Variants in WDR7 observed in about 807,000 individuals in gnomAD.
WDR7 encodes WD repeat domain 7, also known as WD repeat-containing protein 7.
WDR7 carries 46 observed loss-of-function variants against 169.4 expected under a neutral mutation model. The observed-to-expected ratio is 0.27, with a 90% confidence interval of 0.21 to 0.35. The LOEUF (loss-of-function observed/expected upper bound fraction) is 0.35, where lower values mean the gene tolerates loss of function less well. Among genes scored for constraint, WDR7 ranks in the 10% least tolerant of loss-of-function variants. The pLI is 1.00. For missense variants in WDR7, 1,534 were observed against 1,859.3 expected, an observed-to-expected ratio of 0.83 and a Z score of 3.22; for synonymous variants, 612 against 666.8, an observed-to-expected ratio of 0.92 and a Z score of 1.27.
At position 56,776,761 on chromosome 18, in the gene WDR7, T is replaced by A. The variant is rs889822083; in HGVS notation, c.2849-21T>A. The A allele has an allele frequency of 1.9e-6, 3 of 1,608,884 alleles. No individual in the cohort carries two copies. In the East Asian group the frequency reaches 6.7e-5, roughly 36 times the overall value. The stretch of plus-strand genomic sequence containing the variant: ...GTACTTCAATTCTCTCCTCTTTACT[T>A]CTTCTCTTTTCCTCTGCAAGTTGCT... On this transcript the variant is annotated intron_variant, in intron 16 of 27. Transcript: ENST00000254442.
Position 56,691,837 on chromosome 18 carries a change from A to G in WDR7, c.966+20A>G. The G allele has an allele frequency of 6.4e-7, 1 of 1,565,494 alleles. No homozygotes were observed. The highest frequency in any genetic ancestry group is 1.4e-5 in the African/African-American group (1 of 73,490). On this transcript the variant is annotated intron_variant, in intron 9 of 27. Coordinates refer to ENST00000254442, the MANE Select transcript of WDR7 (RefSeq NM_015285.3). Reference sequence around the variant, plus strand: ...AAAGAGGTAAAATTCTTGAGGTGTCATTTATAATTGAAAGTTACATTGAAA... The same window carrying G: ...AAAGAGGTAAAATTCTTGAGGTGTCGTTTATAATTGAAAGTTACATTGAAA...
intron 12 of WDR7, among the ~76,000 whole-genome samples, chr18:56,705,488 T>C (rs530911507): frequency 6.6e-6 from 1 of 152,246 alleles, no homozygotes; most frequent in African/African-American, 2.4e-5. Flanking sequence ...GATATTTGAA[T>C]ATATTAGTTT....
chr18:56,815,744 G>GA (rs1204667582), intron 19 of WDR7, among the ~76,000 whole-genome samples: 5 of 152,156 alleles, frequency 3.3e-5, no homozygotes, highest in African/African-American at 9.7e-5. Context: ...CAAAAACCTT[G>GA]AAAGGAATCG....
At chr18:56,969,886 T>C (rs1403629998) in intron 26 of WDR7, among the ~76,000 whole-genome samples, 4 of 152,174 alleles carry the variant, frequency 2.6e-5, no homozygotes, top group Non-Finnish European at 2.9e-5. Flanking sequence ...TCTTTCTTAC[T>C]AGAGAAGGCA....
intron 17 of WDR7, 50 bp downstream of exon 17, chr18:56,776,930 GA>G: frequency 6.7e-7 from 1 of 1,484,750 alleles, no homozygotes; most frequent in Non-Finnish European, 9.4e-7. Context: ...GCTTTATTCT[GA>G]CAGACATGTT....
chr18:56,965,695 G>A (rs1389407218), intron 26 of WDR7, among the ~76,000 whole-genome samples: 1 of 152,038 alleles, frequency 6.6e-6, no homozygotes, highest in Non-Finnish European at 1.5e-5. Flanking sequence ...AAACTGTTTT[G>A]TGGTCCACAA....
intron 12 of WDR7, among the ~76,000 whole-genome samples, chr18:56,698,063 T>C (rs617506): frequency 0.92 from 139,318 of 151,968 alleles, 65,063 homozygotes; most frequent in East Asian, 1. Flanking sequence ...GGTGTGATGG[T>C]GCATGCCTGT....
chr18:56,865,660 G>A (rs542949595), intron 20 of WDR7, among the ~76,000 whole-genome samples: 25 of 151,846 alleles, frequency 1.6e-4, no homozygotes, highest in Non-Finnish European at 3.1e-4. Flanking sequence ...CTGTGGAAAT[G>A]GTTGATGTTT....
intron 26 of WDR7, among the ~76,000 whole-genome samples, chr18:57,011,142 T>C (rs2145915844): frequency 6.6e-6 from 1 of 152,378 alleles, no homozygotes; most frequent in East Asian, 1.9e-4. Flanking sequence ...ATTCTCACTA[T>C]TCCTAGATAA....
At chr18:56,739,336 T>C (rs1021145440) in intron 14 of WDR7, among the ~76,000 whole-genome samples, 6 of 152,182 alleles carry the variant, frequency 3.9e-5, no homozygotes, top group African/African-American at 1.4e-4. Context: ...CTTATTACAG[T>C]CTAAAACAAA....
chr18:56,896,774 C>T (rs1422909690), intron 21 of WDR7, among the ~76,000 whole-genome samples: 1 of 151,646 alleles, frequency 6.6e-6, no homozygotes, highest in Non-Finnish European at 1.5e-5. Flanking sequence ...GGAAAGATTT[C>T]ATAAATAGGT....
intron 19 of WDR7, among the ~76,000 whole-genome samples, chr18:56,803,380 CTATTTGTG>C (rs2044711302): frequency 6.6e-6 from 1 of 151,982 alleles, no homozygotes; most frequent in Non-Finnish European, 1.5e-5. Flanking sequence ...AAAAGCGTTC[CTATTTGTG>C]TGTTTGTGTG....
chr18:56,735,188 G>A (rs1012017003), intron 14 of WDR7, among the ~76,000 whole-genome samples: 2 of 152,178 alleles, frequency 1.3e-5, no homozygotes, highest in Admixed American at 6.5e-5. Context: ...ATAGGATTAG[G>A]CCCTGGAAAT....
At chr18:56,914,673 A>T (rs2043686) in intron 21 of WDR7, among the ~76,000 whole-genome samples, 3 of 152,000 alleles carry the variant, frequency 2.0e-5, no homozygotes, top group African/African-American at 7.3e-5. Flanking sequence ...CTCTTTGACC[A>T]CATAAACATC....
chr18:56,687,635 T>C (rs966080712), intron 7 of WDR7, among the ~76,000 whole-genome samples: 2 of 152,148 alleles, frequency 1.3e-5, no homozygotes, highest in Non-Finnish European at 2.9e-5. Context: ...TTGTTTTTTG[T>C]TTTTTTAAAG....
intron 19 of WDR7, among the ~76,000 whole-genome samples, chr18:56,794,518 C>G (rs895608814): frequency 9.2e-5 from 14 of 151,676 alleles, no homozygotes; most frequent in Admixed American, 6.6e-5. Context: ...ATTGTGCTAA[C>G]AAGGATGGTC....
At chr18:56,709,417 T>C (rs545249108) in intron 12 of WDR7, among the ~76,000 whole-genome samples, 79 of 152,316 alleles carry the variant, frequency 5.2e-4, no homozygotes, top group African/African-American at 1.8e-3. Flanking sequence ...GAATCTATGG[T>C]ATATAATTAC....
At chr18:56,982,293 A>G (rs981891629) in intron 26 of WDR7, among the ~76,000 whole-genome samples, 1 of 152,238 alleles carries the variant, frequency 6.6e-6, no homozygotes, top group African/African-American at 2.4e-5. Flanking sequence ...AAAAGAAATT[A>G]TGCTTACAGG....
intron 12 of WDR7, among the ~76,000 whole-genome samples, chr18:56,708,120 G>A (rs994150308): frequency 6.9e-5 from 10 of 143,902 alleles, no homozygotes; most frequent in African/African-American, 2.6e-4. Context: ...TGCAACCTCC[G>A]CCTCCCAGGT....
Sources: gnomAD v4.1 joint callset for allele counts (sites outside exome capture counted in the v4.1 genomes callset) on GRCh38, gnomAD v4.1.1 for gene constraint, MANE v1.5 for transcripts, NCBI Gene and HGNC (gene_info 2026-07-23, HGNC 2026-07-21) for gene names.